SLC35F3: variants seen among roughly 807,000 people sequenced by gnomAD.
SLC35F3 encodes putative thiamine transporter SLC35F3.
In SLC35F3, 25 loss-of-function variants were observed where a neutral mutation model predicts 49.9. The observed-to-expected ratio is 0.50, with a 90% confidence interval of 0.37 to 0.70. The LOEUF (loss-of-function observed/expected upper bound fraction) is 0.70, where lower values mean the gene tolerates loss of function less well. Among genes scored for constraint, SLC35F3 ranks in the 30% least tolerant of loss-of-function variants. The probability of loss-of-function intolerance (pLI) is 0.00; values close to 1 mark genes in which losing one functional copy is unlikely to be tolerated. For missense variants in SLC35F3, 525 were observed against 639.8 expected (o/e 0.82, Z 1.94); for synonymous variants, 275 against 265.4 (o/e 1.04, Z -0.35).
intron 2 of SLC35F3, among the ~76,000 whole-genome samples, chr1:233,941,944 G>A (rs1362900309): frequency 8.0e-6 from 1 of 125,104 alleles, no homozygotes; most frequent in Non-Finnish European, 1.7e-5. Context: ...GCCTCTTGGG[G>A]TTGTTTTTTG....
intron 2 of SLC35F3, among the ~76,000 whole-genome samples, chr1:233,930,448 G>T (rs1332731994): frequency 3.3e-5 from 5 of 152,186 alleles, no homozygotes; most frequent in African/African-American, 1.2e-4. Flanking sequence ...GGTGAGATGA[G>T]AACTATTGAA....
At chr1:234,291,427 T>C (rs1475862681) in intron 3 of SLC35F3, among the ~76,000 whole-genome samples, 1 of 151,996 alleles carries the variant, frequency 6.6e-6, no homozygotes, top group Non-Finnish European at 1.5e-5. Flanking sequence ...GAGGAACAGT[T>C]CCCCAGAAAA....
At chr1:234,095,778 CT>C (rs1665108302) in intron 2 of SLC35F3, among the ~76,000 whole-genome samples, 1 of 152,124 alleles carries the variant, frequency 6.6e-6, no homozygotes, top group Admixed American at 6.5e-5. Flanking sequence ...CTTTCTGTGC[CT>C]CAGTTTTCTC....
rs570763697 is a variant in SLC35F3, at chr1:234,313,728, A to G, written c.829-2874A>G. Among the ~76,000 whole-genome samples the G allele has an allele frequency of 3.9e-5, 6 of 152,308 alleles. No homozygotes were observed. In the South Asian group the frequency reaches 1.0e-3, roughly 26 times the overall value. On this transcript the variant is annotated intron_variant, in intron 4 of 7. Coordinates refer to ENST00000366618, the MANE Select transcript of SLC35F3 (RefSeq NM_173508.4). The stretch of plus-strand genomic sequence containing the variant: ...GGGCCCCAGTAGGGAGAAGATGTAC[A>G]TGGAGCACATGGAACCACAGGGCGG...
At chr1:234,204,724 A>G (rs1666946751) in intron 2 of SLC35F3, among the ~76,000 whole-genome samples, 2 of 152,242 alleles carry the variant, frequency 1.3e-5, no homozygotes, top group Admixed American at 6.5e-5. Context: ...TTTGCCGTAC[A>G]CTAACAAATC....
chr1:234,128,318 C>G (rs1665679878), intron 2 of SLC35F3, among the ~76,000 whole-genome samples: 1 of 152,136 alleles, frequency 6.6e-6, no homozygotes, highest in Non-Finnish European at 1.5e-5. Context: ...TCTGCATCAC[C>G]TGGCGAAGGA....
At chr1:234,041,778 A>G (rs748909) in intron 2 of SLC35F3, among the ~76,000 whole-genome samples, 16,230 of 152,216 alleles carry the variant, frequency 0.11, 1,340 homozygotes, top group East Asian at 0.25. Flanking sequence ...AGTTTCCATT[A>G]TACATGCATA....
intron 2 of SLC35F3, among the ~76,000 whole-genome samples, chr1:234,170,877 C>G (rs1214671871): frequency 6.6e-6 from 1 of 152,174 alleles, no homozygotes; most frequent in Non-Finnish European, 1.5e-5. Context: ...GACAGTCGGC[C>G]CCTCAGGATC....
chr1:234,059,660 AG>A (rs1404100781), intron 2 of SLC35F3, among the ~76,000 whole-genome samples: 1 of 151,078 alleles, frequency 6.6e-6, no homozygotes, highest in African/African-American at 2.4e-5. Context: ...ACATAGACAT[AG>A]ACATAGACAT....
chr1:233,942,777 T>G (rs190978148), intron 2 of SLC35F3, among the ~76,000 whole-genome samples: 1 of 152,344 alleles, frequency 6.6e-6, no homozygotes, highest in Admixed American at 6.5e-5. Flanking sequence ...GGCTCTATGT[T>G]GTACAGCAGA....
intron 2 of SLC35F3, among the ~76,000 whole-genome samples, chr1:234,131,058 A>G (rs1665728377): frequency 6.6e-6 from 1 of 152,202 alleles, no homozygotes; most frequent in African/African-American, 2.4e-5. Context: ...TTATGTTTAT[A>G]AAGTTCAAAG....
chr1:234,001,289 G>A (rs374834083), intron 2 of SLC35F3, among the ~76,000 whole-genome samples: 41 of 152,288 alleles, frequency 2.7e-4, no homozygotes, highest in African/African-American at 9.6e-4. Context: ...AGCCAGTAAT[G>A]CAGGTGGCAT....
chr1:234,089,962 T>C (rs1232237130), intron 2 of SLC35F3, among the ~76,000 whole-genome samples: 1 of 152,268 alleles, frequency 6.6e-6, no homozygotes, highest in Non-Finnish European at 1.5e-5. Flanking sequence ...GAATTCCTTT[T>C]GAAAGAATAC....
chr1:234,240,649 CAAG>C (rs1005831659), intron 3 of SLC35F3, among the ~76,000 whole-genome samples: 4 of 151,422 alleles, frequency 2.6e-5, no homozygotes, highest in African/African-American at 9.7e-5. Context: ...TATAAAATGA[CAAG>C]GAGGAGGTCC....
rs768362326 is a variant in SLC35F3 at position 234,222,598 on chromosome 1, C to T, written c.284-8819C>T. Among the ~76,000 whole-genome samples, 32 of 152,296 alleles carry T rather than the reference C, an allele frequency of 2.1e-4. 1 individual carries two copies. The highest frequency in any genetic ancestry group is 3.3e-4 in the Admixed American group (5 of 15,306). On this transcript the variant is annotated intron_variant, in intron 2 of 7. Transcript: ENST00000366618. ...CGCCTTGGTGAGTCTGGTGGGCTGG[C>T]CACTTCACAGGAGAAGGCTCCAGCA...
chr1:234,163,147 C>A (rs1335170934), intron 2 of SLC35F3, among the ~76,000 whole-genome samples: 1 of 152,238 alleles, frequency 6.6e-6, no homozygotes, highest in Non-Finnish European at 1.5e-5. Flanking sequence ...AGGACTACCC[C>A]ATTTCTAAGA....
chr1:234,294,953 G>A (rs987886722), intron 3 of SLC35F3, among the ~76,000 whole-genome samples: 16 of 152,238 alleles, frequency 1.1e-4, no homozygotes, highest in South Asian at 2.1e-4. Context: ...GAGAGAGCCA[G>A]TAACTCCATG....
chr1:234,049,782 C>T (rs1368110348), intron 2 of SLC35F3, among the ~76,000 whole-genome samples: 1 of 152,126 alleles, frequency 6.6e-6, no homozygotes, highest in Non-Finnish European at 1.5e-5. Flanking sequence ...TGCTATCCCT[C>T]CCCACTACCC....
Position 234,044,249 on chromosome 1 carries a change from GC to G in SLC35F3, c.283+138493del, listed in dbSNP as rs1458487481. On this transcript the variant is annotated intron_variant, in intron 2 of 7. Coordinates refer to ENST00000366618, the MANE Select transcript of SLC35F3 (RefSeq NM_173508.4). ...AGGAAAGCCCTTTCCAAAAGTCAGTGCCATGCCCTTGAACTTCCCAGCCTGC... is the reference window on the plus strand; with the variant it reads ...AGGAAAGCCCTTTCCAAAAGTCAGTGCATGCCCTTGAACTTCCCAGCCTGC... Among the ~76,000 whole-genome samples, 3 of 152,154 alleles carry G rather than the reference GC, an allele frequency of 2.0e-5. No individual in the cohort carries two copies. The East Asian group carries it at 5.8e-4, about 29-fold the overall frequency.
Sources: gnomAD v4.1 joint callset for allele counts (sites outside exome capture counted in the v4.1 genomes callset) on GRCh38, gnomAD v4.1.1 for gene constraint, MANE v1.5 for transcripts, NCBI Gene and HGNC (gene_info 2026-07-23, HGNC 2026-07-21) for gene names.